The following TRABD2A variants were observed in gnomAD, a reference collection of about 807,000 sequenced individuals.
TRABD2A encodes the protein metalloprotease TIKI1.
A neutral mutation model predicts 45.6 loss-of-function variants in TRABD2A; 43 were observed. The ratio of observed to expected loss-of-function variants is 0.94; its 90% confidence interval spans 0.74 to 1.22. TRABD2A has a LOEUF of 1.22. Ranked by LOEUF, TRABD2A falls within the 50% of genes most tolerant of loss-of-function variation. TRABD2A has a pLI of 0.00. For missense variants in TRABD2A, 642 were observed against 652.4 expected (o/e 0.98, Z 0.17); for synonymous variants, 269 against 265.0 (o/e 1.02, Z -0.15).
chr2:84,834,473 T>C (rs1321066009), intron 4 of TRABD2A: 1 of 152,312 alleles, frequency 6.6e-6, no homozygotes, highest in African/African-American at 2.4e-5. Context: ...TTTTAACGTA[T>C]GCCAGTCGGT....
Position 84,830,184 on chromosome 2 carries a change from C to T in TRABD2A, c.1082+1871G>A, listed in dbSNP as rs534840450. Among the ~76,000 whole-genome samples the T allele has an allele frequency of 8.5e-5, 13 of 152,112 alleles. No individual in the cohort carries two copies. The highest frequency in any genetic ancestry group is 1.6e-4 in the Non-Finnish European group (11 of 68,028). Reference sequence around the variant, plus strand: ...ACAGTCCTGCAGGGCGCAGAGAACCCCTAAGGGCTGGCTCCTCCAGACCTG... The same window carrying T: ...ACAGTCCTGCAGGGCGCAGAGAACCTCTAAGGGCTGGCTCCTCCAGACCTG... On this transcript the variant is annotated intron_variant, in intron 5 of 6. Transcript: ENST00000409520. The surrounding 1 kb of genome is among the most constrained non-coding windows in gnomAD (Gnocchi z 4.9).
chr2:84,870,294 C>T lies in TRABD2A; in HGVS notation c.600G>A (p.Arg200=). The T allele has an allele frequency of 6.2e-7, 1 of 1,614,006 alleles. No homozygotes were observed. The highest frequency in any genetic ancestry group is 8.5e-7 in the Non-Finnish European group (1 of 1,179,896). The part of the protein sequence containing the change: ...LFLAQEAERL[R]KQTGAVEKVE... ...CCTTTTCCACTGCCCCAGTCTGTTT[C>T]CTCAGCCGCTCAGCCTCCTGGGCAA... The change falls in exon 2 of 7, where the codon AGG becomes AGA. Residue 200 remains arginine (R), a synonymous_variant. Transcript: ENST00000409520.
At chr2:84,867,814 G>A (rs928350084) in intron 2 of TRABD2A, among the ~76,000 whole-genome samples, 1 of 152,212 alleles carries the variant, frequency 6.6e-6, no homozygotes, top group Non-Finnish European at 1.5e-5. Flanking sequence ...CATTTTGGCA[G>A]CCAACAGACA....
chr2:84,841,386 C>T (rs966173900), intron 3 of TRABD2A, among the ~76,000 whole-genome samples: 15 of 152,246 alleles, frequency 9.9e-5, no homozygotes, highest in Admixed American at 4.6e-4. Flanking sequence ...CAATGATCCA[C>T]GTCTGCAAAT....
chr2:84,838,098 G>A (rs1483042823), intron 4 of TRABD2A: 2 of 636,286 alleles, frequency 3.1e-6, no homozygotes, highest in Non-Finnish European at 5.7e-6. Context: ...GGGAACTATT[G>A]GACATGTCAA....
intron 5 of TRABD2A, among the ~76,000 whole-genome samples, chr2:84,831,423 GA>G (rs911056328): frequency 5.3e-5 from 8 of 152,220 alleles, no homozygotes; most frequent in African/African-American, 1.9e-4. Flanking sequence ...GGCCCACCAG[GA>G]TGGACGACCA....
intron 4 of TRABD2A, among the ~76,000 whole-genome samples, chr2:84,838,477 C>T (rs1681592219): frequency 6.6e-6 from 1 of 152,154 alleles, no homozygotes; most frequent in Admixed American, 6.5e-5. Flanking sequence ...TGCTTCTCTC[C>T]AACCCCCTAT....
At chr2:84,842,254 A>G (rs115189279) in intron 2 of TRABD2A, among the ~76,000 whole-genome samples, 1,751 of 152,264 alleles carry the variant, frequency 0.011, 39 homozygotes, top group African/African-American at 0.04. Flanking sequence ...GACAACCTGG[A>G]ACTCTTCCAT....
Position 84,854,466 on chromosome 2 carries a change from C to T in TRABD2A, c.670-12459G>A, listed in dbSNP as rs1025534787. 3.3e-5 allele frequency among the ~76,000 whole-genome samples: 5 copies of T among 152,232 alleles called. No individual in the cohort carries two copies. In the East Asian group the frequency reaches 5.8e-4, roughly 18 times the overall value. ...ACTGACAATGTTTGTTTCATCATAC[C>T]CCTTTTAGAAATAAGAAAACAGACT... On this transcript the variant is annotated intron_variant, in intron 2 of 6. Coordinates refer to ENST00000409520, the MANE Select transcript of TRABD2A (RefSeq NM_001277053.2).
At chr2:84,863,585 T>C (rs1682572720) in intron 2 of TRABD2A, among the ~76,000 whole-genome samples, 1 of 144,696 alleles carries the variant, frequency 6.9e-6, no homozygotes, top group African/African-American at 2.6e-5. Context: ...AGAAAGGCTC[T>C]ATTCAAATTT....
At chr2:84,879,928 G>A (rs1683145451) in intron 1 of TRABD2A, among the ~76,000 whole-genome samples, 1 of 152,302 alleles carries the variant, frequency 6.6e-6, no homozygotes, top group Admixed American at 6.5e-5. Context: ...GCAGACCGGG[G>A]AGCTGCGCAG....
At chr2:84,824,491 A>G (rs1681095397) in intron 5 of TRABD2A, among the ~76,000 whole-genome samples, 1 of 149,128 alleles carries the variant, frequency 6.7e-6, no homozygotes, top group South Asian at 2.2e-4. Flanking sequence ...TAATTACTGT[A>G]GTTTTCCAAC....
At chr2:84,862,307 C>T (rs1682526437) in intron 2 of TRABD2A, among the ~76,000 whole-genome samples, 1 of 152,172 alleles carries the variant, frequency 6.6e-6, no homozygotes, top group Non-Finnish European at 1.5e-5. Flanking sequence ...CACTTTTTCT[C>T]GCATGGAGAC....
intron 5 of TRABD2A, among the ~76,000 whole-genome samples, chr2:84,830,000 A>G (rs1050391153): frequency 4.0e-5 from 6 of 150,870 alleles, no homozygotes; most frequent in African/African-American, 1.2e-4. Flanking sequence ...CACAAACACA[A>G]ACATTACATA....
intron 1 of TRABD2A, among the ~76,000 whole-genome samples, chr2:84,873,169 C>T (rs1174095370): frequency 2.0e-5 from 3 of 150,412 alleles, no homozygotes; most frequent in Non-Finnish European, 2.9e-5. Flanking sequence ...GCCTATAATC[C>T]CAGCACTTTG....
intron 5 of TRABD2A, among the ~76,000 whole-genome samples, chr2:84,827,738 G>A (rs772134419): frequency 3.0e-4 from 45 of 152,168 alleles, no homozygotes; most frequent in Non-Finnish European, 3.8e-4. Context: ...AATCACACGG[G>A]CCCTTAAAAG....
At chr2:84,848,328 T>TGATAGATAGATA (rs58667309) in intron 2 of TRABD2A, among the ~76,000 whole-genome samples, 11 of 126,920 alleles carry the variant, frequency 8.7e-5, no homozygotes, top group South Asian at 5.4e-4. Flanking sequence ...CACATAAAAA[T>TGATAGATAGATA]GATAGATAGA....
At chr2:84,839,069 A>G in intron 4 of TRABD2A, 80 bp downstream of exon 4, 2 of 1,532,298 alleles carry the variant, frequency 1.3e-6, no homozygotes, top group South Asian at 2.4e-5. Flanking sequence ...ACAGGCCCTA[A>G]GCAGGGGCTC....
At chr2:84,869,557 T>G (rs1464531513) in intron 2 of TRABD2A, among the ~76,000 whole-genome samples, 2 of 152,230 alleles carry the variant, frequency 1.3e-5, no homozygotes, top group African/African-American at 4.8e-5. Flanking sequence ...TGCTGTCTCC[T>G]AAAGTAGCAA....
Sources: gnomAD v4.1 joint callset for allele counts (sites outside exome capture counted in the v4.1 genomes callset) on GRCh38, gnomAD v4.1.1 for gene constraint, Gnocchi (gnomAD v3.1) non-coding constraint, MANE v1.5 for transcripts, NCBI Gene and HGNC (gene_info 2026-07-23, HGNC 2026-07-21) for gene names.